NCAM2: variants seen among roughly 807,000 people sequenced by gnomAD.
The protein encoded by NCAM2 is neural cell adhesion molecule 2.
Under a neutral mutation model 98.1 loss-of-function variants are expected in NCAM2, and 30 were observed. That is an observed-to-expected ratio of 0.31 (90% CI 0.23 to 0.41). NCAM2 has a LOEUF of 0.41. Among genes scored for constraint, NCAM2 ranks in the 10% least tolerant of loss-of-function variants. The pLI is 1.00. For synonymous variants in NCAM2, 368 were observed against 342.4 expected (o/e 1.07, Z -0.83); for missense variants, 867 against 1,005.8 (o/e 0.86, Z 1.87).
At chr21:21,154,049 T>C (rs1601515500) in intron 1 of NCAM2, among the ~76,000 whole-genome samples, 1 of 152,046 alleles carries the variant, frequency 6.6e-6, no homozygotes. Context: ...GGTCATATTA[T>C]TTTTAGCATG....
At chr21:21,271,231 A>C (rs2072485612) in intron 1 of NCAM2, among the ~76,000 whole-genome samples, 1 of 152,218 alleles carries the variant, frequency 6.6e-6, no homozygotes, top group African/African-American at 2.4e-5. Context: ...GCTAAAGTAC[A>C]TATTCATGTA....
At chr21:21,404,669 G>T (rs137909990) in intron 9 of NCAM2, among the ~76,000 whole-genome samples, 1 of 151,418 alleles carries the variant, frequency 6.6e-6, no homozygotes, top group African/African-American at 2.4e-5. Context: ...TGTATATACC[G>T]TATATCAATA....
intron 1 of NCAM2, among the ~76,000 whole-genome samples, chr21:21,251,482 ATC>A (rs1335048601): frequency 6.6e-6 from 1 of 152,126 alleles, no homozygotes; most frequent in African/African-American, 2.4e-5. Context: ...AAAGGACATG[ATC>A]TCATTGTTTT....
At chr21:21,406,195 T>C (rs1000651809) in intron 9 of NCAM2, among the ~76,000 whole-genome samples, 3 of 152,120 alleles carry the variant, frequency 2.0e-5, no homozygotes, top group Non-Finnish European at 4.4e-5. Flanking sequence ...GAGATTGAGC[T>C]CAAAGCCAAA....
chr21:21,450,254 T>C (rs1225033973), intron 12 of NCAM2, among the ~76,000 whole-genome samples: 1 of 152,008 alleles, frequency 6.6e-6, no homozygotes, highest in African/African-American at 2.4e-5. Flanking sequence ...TGTATATGTA[T>C]GTATGTGTGT....
At chr21:21,399,478 T>C (rs985912713) in intron 9 of NCAM2, among the ~76,000 whole-genome samples, 6 of 152,226 alleles carry the variant, frequency 3.9e-5, no homozygotes, top group African/African-American at 1.4e-4. Flanking sequence ...TGTGAATGCT[T>C]TGAAGAGTAT....
intron 1 of NCAM2, among the ~76,000 whole-genome samples, chr21:21,089,211 A>T (rs1400172342): frequency 1.3e-5 from 2 of 152,198 alleles, no homozygotes; most frequent in Non-Finnish European, 2.9e-5. Flanking sequence ...TGATTAAAAA[A>T]TTACCCCAAT....
chr21:21,500,054 A>C (rs996804878), intron 15 of NCAM2, among the ~76,000 whole-genome samples: 1 of 152,134 alleles, frequency 6.6e-6, no homozygotes, highest in African/African-American at 2.4e-5. Context: ...CCCATCTTGG[A>C]AGTGGATACT....
intron 1 of NCAM2, among the ~76,000 whole-genome samples, chr21:21,218,705 T>C (rs2070011867): frequency 6.6e-6 from 1 of 152,166 alleles, no homozygotes; most frequent in South Asian, 2.1e-4. Flanking sequence ...GTGAAATCTC[T>C]CCTAGAACCT....
At chr21:21,453,620 C>T (rs1073609) in intron 12 of NCAM2, among the ~76,000 whole-genome samples, 20,778 of 152,022 alleles carry the variant, frequency 0.14, 1,434 homozygotes, top group Admixed American at 0.14. Context: ...TTCTCAAAAT[C>T]TCCTTTACCA....
chr21:21,037,255 A>G (rs944856608), intron 1 of NCAM2, among the ~76,000 whole-genome samples: 5 of 152,244 alleles, frequency 3.3e-5, no homozygotes, highest in African/African-American at 1.2e-4. Flanking sequence ...TTCTTTTATT[A>G]TTAATAGCAA....
At chr21:21,057,567 A>G (rs372264152) in intron 1 of NCAM2, among the ~76,000 whole-genome samples, 149 of 152,142 alleles carry the variant, frequency 9.8e-4, no homozygotes, top group Non-Finnish European at 1.8e-3. Context: ...CATGCACCCG[A>G]CAAATCCTTC....
intron 5 of NCAM2, among the ~76,000 whole-genome samples, chr21:21,305,859 G>A (rs1464303679): frequency 6.6e-6 from 1 of 151,670 alleles, no homozygotes; most frequent in Non-Finnish European, 1.5e-5. Context: ...AATCTTTCTT[G>A]TCTTCTAATG....
intron 9 of NCAM2, among the ~76,000 whole-genome samples, chr21:21,381,410 C>G (rs986568906): frequency 6.6e-6 from 1 of 151,918 alleles, no homozygotes; most frequent in Non-Finnish European, 1.5e-5. Flanking sequence ...GTTTTTTTCA[C>G]ATTCTATGCC....
chr21:21,020,912 G>A (rs182110653), intron 1 of NCAM2, among the ~76,000 whole-genome samples: 21 of 152,180 alleles, frequency 1.4e-4, no homozygotes, highest in Non-Finnish European at 2.6e-4. Flanking sequence ...CTAGAGTACC[G>A]TCCATGCTTG....
At chr21:21,025,834 G>T (rs2064534069) in intron 1 of NCAM2, among the ~76,000 whole-genome samples, 1 of 152,214 alleles carries the variant, frequency 6.6e-6, no homozygotes, top group Non-Finnish European at 1.5e-5. Flanking sequence ...ACTGGACTCA[G>T]ATTAACTGAT....
At chr21:21,411,048 G>A (rs374812962) in intron 10 of NCAM2, among the ~76,000 whole-genome samples, 277 of 23,750 alleles carry the variant, frequency 0.012, 10 homozygotes, top group African/African-American at 0.043. Flanking sequence ...ATATATATAT[G>A]TGTGTGTATA....
intron 1 of NCAM2, among the ~76,000 whole-genome samples, chr21:21,136,292 G>T (rs1028151338): frequency 2.6e-5 from 4 of 152,144 alleles, no homozygotes; most frequent in Non-Finnish European, 5.9e-5. Context: ...CTAACTTTAA[G>T]GGTGAAGGGG....
chr21:21,479,583 CAAAAAA>C (rs1156588500), intron 15 of NCAM2, among the ~76,000 whole-genome samples: 25 of 30,960 alleles, frequency 8.1e-4, no homozygotes, highest in South Asian at 2.6e-3. Context: ...GACTGCGTCT[CAAAAAA>C]AAAAAAAAAA....
Sources: allele counts gnomAD v4.1 joint callset (sites outside exome capture counted in the v4.1 genomes callset), GRCh38; gene constraint gnomAD v4.1.1; transcripts MANE v1.5; gene names NCBI Gene and HGNC (gene_info 2026-07-23, HGNC 2026-07-21).